Variants in PCNX2 observed in about 807,000 individuals in gnomAD.
PCNX2 encodes pecanex-like protein 2.
PCNX2 carries 168 observed loss-of-function variants against 223.8 expected under a neutral mutation model. The observed-to-expected ratio is 0.75, with a 90% confidence interval of 0.66 to 0.85. The LOEUF (loss-of-function observed/expected upper bound fraction) is 0.85. PCNX2 is among the 40% of genes least tolerant of loss of function. The pLI, the probability that PCNX2 is intolerant of heterozygous loss-of-function variation, is 0.00. For missense variants in PCNX2, 2,507 were observed against 2,675.5 expected (o/e 0.94, Z 1.39); for synonymous variants, 1,006 against 1,052.6 (o/e 0.96, Z 0.86).
chr1:233,073,701 C>T (rs1672955399), intron 23 of PCNX2, among the ~76,000 whole-genome samples: 1 of 152,002 alleles, frequency 6.6e-6, no homozygotes, highest in African/African-American at 2.4e-5. Flanking sequence ...AAGTCTCTAA[C>T]TTCTAGGCTC....
At chr1:233,154,301 T>C (rs2477867) in intron 19 of PCNX2, among the ~76,000 whole-genome samples, 115,357 of 152,136 alleles carry the variant, frequency 0.76, 44,173 homozygotes, top group African/African-American at 0.88. Context: ...AGGATGGTCT[T>C]GATCTCCTGA....
chr1:233,157,188 A>G (rs978598017), intron 19 of PCNX2, among the ~76,000 whole-genome samples: 15 of 152,054 alleles, frequency 9.9e-5, no homozygotes, highest in African/African-American at 3.6e-4. Flanking sequence ...GGTAGTGATG[A>G]TTGCAAAAAC....
the PCNX2 span, among the ~76,000 whole-genome samples, chr1:233,316,185 C>A: frequency 6.6e-6 from 1 of 152,132 alleles, no homozygotes; most frequent in Non-Finnish European, 1.5e-5. Flanking sequence ...CAGTCCTGTC[C>A]ACTGATTAAA....
chr1:233,158,375 A>C (rs1678254714), intron 19 of PCNX2, among the ~76,000 whole-genome samples: 1 of 151,976 alleles, frequency 6.6e-6, no homozygotes, highest in African/African-American at 2.4e-5. Context: ...ATAGTTTAAG[A>C]ATAGGTATAG....
At chr1:233,147,540 G>A (rs1161824817) in intron 19 of PCNX2, among the ~76,000 whole-genome samples, 1 of 151,642 alleles carries the variant, frequency 6.6e-6, no homozygotes, top group African/African-American at 2.4e-5. Context: ...GAAGTGGAAG[G>A]GAAGGCAGGA....
chr1:233,213,504 A>G (rs1037499397), intron 12 of PCNX2, among the ~76,000 whole-genome samples: 5 of 152,208 alleles, frequency 3.3e-5, no homozygotes, highest in African/African-American at 1.2e-4. Context: ...AATGGGGTAT[A>G]CAGACACTCT....
At position 233,241,219 on chromosome 1, in the gene PCNX2, G is replaced by C. The variant is rs79914537; in HGVS notation, c.2223-4239C>G. ...TGTGTGAGTATCGGAGAAAAAGGCA[G>C]CAACACCGTGGAAGTGAGGCAAGGC... On this transcript the variant is annotated intron_variant, in intron 8 of 33. Transcript: ENST00000258229. The C allele has an allele frequency of 1.8e-4, 173 of 985,384 alleles. 1 individual carries two copies. The South Asian group carries it at 7.4e-3, about 42-fold the overall frequency. The allele number at this position is 985,384 out of a possible 1,614,324, so 61.0% of individuals were successfully genotyped here.
At chr1:233,290,144 G>C (rs1661679143) in intron 1 of PCNX2, among the ~76,000 whole-genome samples, 1 of 151,346 alleles carries the variant, frequency 6.6e-6, no homozygotes, top group South Asian at 2.1e-4. Flanking sequence ...TCAGGAAGGG[G>C]GTTGGGGTAT....
At chr1:233,105,051 T>C (rs1258626693) in intron 21 of PCNX2, among the ~76,000 whole-genome samples, 3 of 152,138 alleles carry the variant, frequency 2.0e-5, no homozygotes, top group Non-Finnish European at 4.4e-5. Context: ...ATGTGCATCT[T>C]AGAAAAACTT....
intron 25 of PCNX2, among the ~76,000 whole-genome samples, chr1:233,044,219 T>C (rs1471407275): frequency 5.3e-5 from 8 of 152,178 alleles, no homozygotes; most frequent in Non-Finnish European, 1.0e-4. Flanking sequence ...TTGAGAAGCG[T>C]CTGTTCATGT....
chr1:233,290,638 G>T, intron 1 of PCNX2: 2 of 644,342 alleles, frequency 3.1e-6, no homozygotes, highest in Non-Finnish European at 3.9e-6. Flanking sequence ...ATAACAATTA[G>T]AATGTGTTGG....
the PCNX2 span, among the ~76,000 whole-genome samples, chr1:233,313,299 G>A: frequency 1.3e-5 from 2 of 152,052 alleles, no homozygotes. Flanking sequence ...AAGCAAAGAA[G>A]AATTGCCAGG....
chr1:233,230,436 C>CA (rs999877514), intron 9 of PCNX2, among the ~76,000 whole-genome samples: 201 of 150,728 alleles, frequency 1.3e-3, no homozygotes, highest in Non-Finnish European at 2.4e-3. Flanking sequence ...GACAAACTGA[C>CA]AAAAAAAAAG....
At chr1:233,065,796 T>C (rs1672579377) in intron 23 of PCNX2, 1 of 152,110 alleles carries the variant, frequency 6.6e-6, no homozygotes, top group Non-Finnish European at 1.5e-5. Flanking sequence ...ATACCACAGA[T>C]AAAACCATAG....
intron 28 of PCNX2, among the ~76,000 whole-genome samples, chr1:233,005,274 A>C (rs1340888848): frequency 6.6e-6 from 1 of 152,178 alleles, no homozygotes; most frequent in African/African-American, 2.4e-5. Flanking sequence ...ATAGTGGAAA[A>C]GGAAGATTAA....
intron 21 of PCNX2, among the ~76,000 whole-genome samples, chr1:233,096,226 T>G (rs1391075899): frequency 6.6e-6 from 1 of 152,216 alleles, no homozygotes; most frequent in East Asian, 1.9e-4. Flanking sequence ...TTGACATTGT[T>G]GAGGTTTTTG....
intron 12 of PCNX2, among the ~76,000 whole-genome samples, chr1:233,213,874 G>C (rs1354940671): frequency 3.0e-5 from 4 of 132,850 alleles, no homozygotes; most frequent in African/African-American, 1.2e-4. Flanking sequence ...ATCACCCAGG[G>C]CTGGAGTGTA....
At chr1:233,257,954 T>C in intron 5 of PCNX2, 74 bp downstream of exon 5, 1 of 1,497,230 alleles carries the variant, frequency 6.7e-7, no homozygotes, top group Non-Finnish European at 8.9e-7. Context: ...AAAATCAAAT[T>C]ACACAAGGCA....
chr1:233,294,015 G>T (rs1035540616), intron 1 of PCNX2: 2 of 984,088 alleles, frequency 2.0e-6, no homozygotes, highest in Admixed American at 6.2e-5. Flanking sequence ...GGGTTTCCAA[G>T]CAGTTTCTGT....
Sources: gnomAD v4.1 joint callset for allele counts (sites outside exome capture counted in the v4.1 genomes callset) on GRCh38, gnomAD v4.1.1 for gene constraint, MANE v1.5 for transcripts, NCBI Gene and HGNC (gene_info 2026-07-23, HGNC 2026-07-21) for gene names.